Variants in CTNNA3 observed in about 807,000 individuals in gnomAD.
CTNNA3 encodes the protein catenin alpha-3.
A neutral mutation model predicts 95.7 loss-of-function variants in CTNNA3; 76 were observed. The observed-to-expected ratio is 0.79, with a 90% CI of 0.66 to 0.96. The LOEUF is 0.96. Ranked by LOEUF, CTNNA3 falls within the 40% of genes least tolerant of loss-of-function variation. The pLI is 0.00. For missense variants in CTNNA3, 1,191 were observed against 1,089.8 expected (o/e 1.09, Z -1.31); for synonymous variants, 431 against 374.4 (o/e 1.15, Z -1.74).
At chr10:67,134,546 C>T (rs1415571442) in intron 7 of CTNNA3, among the ~76,000 whole-genome samples, 1 of 152,054 alleles carries the variant, frequency 6.6e-6, no homozygotes, top group East Asian at 1.9e-4. Flanking sequence ...TGGTGGATTC[C>T]TCAATTCCTG....
rs370543109 is a variant in CTNNA3 at position 66,551,223 on chromosome 10, T to C, written c.1375-30450A>G. Among the ~76,000 whole-genome samples the C allele has an allele frequency of 3.6e-4, 55 of 152,290 alleles. 1 individual carries two copies. In the South Asian group the frequency reaches 0.011, roughly 31 times the overall value. Reference sequence around the variant, plus strand: ...ATTTTACCTCCCTTCCTGAATGATATTTTTAGTGGATATAAAATTACGGCT... The same window carrying C: ...ATTTTACCTCCCTTCCTGAATGATACTTTTAGTGGATATAAAATTACGGCT... On this transcript the variant is annotated intron_variant, in intron 10 of 17. Coordinates refer to ENST00000433211, the MANE Select transcript of CTNNA3 (RefSeq NM_013266.4).
chr10:67,308,636 A>G (rs755027111), intron 5 of CTNNA3, among the ~76,000 whole-genome samples: 9 of 152,300 alleles, frequency 5.9e-5, no homozygotes, highest in East Asian at 1.9e-4. Flanking sequence ...GTATGGAAAG[A>G]CTTCATTAAT....
At chr10:66,260,479 T>G (rs1419387711) in intron 13 of CTNNA3, among the ~76,000 whole-genome samples, 1 of 152,156 alleles carries the variant, frequency 6.6e-6, no homozygotes. Context: ...TCCGTGATTC[T>G]CACTGTGTAC....
At position 66,676,596 on chromosome 10, in the gene CTNNA3, C is replaced by G. The variant is rs142362616; in HGVS notation, c.1282-54812G>C. On this transcript the variant is annotated intron_variant, in intron 9 of 17. Coordinates refer to ENST00000433211, the MANE Select transcript of CTNNA3 (RefSeq NM_013266.4). ...ACCATTTCTCATAGCCTGCCTCTCT[C>G]TCTTTCTCCCTCTCACAACCAGCTA... is the stretch of plus-strand genomic sequence containing the variant. 2.5e-3 allele frequency among the ~76,000 whole-genome samples: 387 copies of G among 152,188 alleles called. 3 individuals are homozygous for G. Among genetic ancestry groups the G allele is most frequent in the African/African-American group, 9.0e-3 (374 of 41,554 alleles).
intron 12 of CTNNA3, among the ~76,000 whole-genome samples, chr10:66,294,075 C>A (rs547448419): frequency 1.3e-5 from 2 of 152,214 alleles, no homozygotes; most frequent in African/African-American, 4.8e-5. Context: ...ATGCTAATAG[C>A]CCAATGATTG....
At chr10:67,328,412 G>A (rs1233841532) in intron 5 of CTNNA3, among the ~76,000 whole-genome samples, 1 of 152,184 alleles carries the variant, frequency 6.6e-6, no homozygotes, top group South Asian at 2.1e-4. Context: ...AGACCACCCT[G>A]CAGAGTTCAG....
intron 3 of CTNNA3, among the ~76,000 whole-genome samples, chr10:67,547,322 A>G (rs1046218180): frequency 6.6e-6 from 1 of 152,218 alleles, no homozygotes; most frequent in Admixed American, 6.5e-5. Context: ...GAGAGTGACT[A>G]CATCAAAGGA....
intron 7 of CTNNA3, among the ~76,000 whole-genome samples, chr10:67,144,324 T>C (rs1324906452): frequency 1.3e-5 from 2 of 152,216 alleles, no homozygotes; most frequent in African/African-American, 4.8e-5. Context: ...TTAATGAGCA[T>C]TGGTTTCAAG....
chr10:67,750,615 A>G (rs1322776153), intron 1 of CTNNA3: 2 of 1,550,776 alleles, frequency 1.3e-6, no homozygotes, highest in African/African-American at 1.4e-5. Flanking sequence ...TATCTTATTC[A>G]CTAGCACAGG....
At chr10:66,284,310 G>A (rs564191754) in intron 12 of CTNNA3, among the ~76,000 whole-genome samples, 2 of 152,002 alleles carry the variant, frequency 1.3e-5, no homozygotes, top group Non-Finnish European at 2.9e-5. Flanking sequence ...GCCCTGTAAG[G>A]CAGGAACTAT....
At chr10:67,594,300 T>A (rs1398539078) in intron 3 of CTNNA3, among the ~76,000 whole-genome samples, 1 of 152,164 alleles carries the variant, frequency 6.6e-6, no homozygotes, top group Non-Finnish European at 1.5e-5. Flanking sequence ...CCTCCTCGAT[T>A]TTTTGAACAG....
At chr10:67,541,637 A>G in intron 3 of CTNNA3, among the ~76,000 whole-genome samples, 1 of 152,086 alleles carries the variant, frequency 6.6e-6, no homozygotes, top group East Asian at 1.9e-4. Flanking sequence ...TGCTTAGATG[A>G]CAGCATTCAT....
At chr10:66,849,136 G>A (rs999523436) in intron 7 of CTNNA3, among the ~76,000 whole-genome samples, 7 of 152,220 alleles carry the variant, frequency 4.6e-5, no homozygotes, top group South Asian at 2.1e-4. Flanking sequence ...AAAAGCAGAC[G>A]CATTTGTAAT....
rs895663227 is a variant in CTNNA3, at chr10:65,916,870, T to G, written c.*3460A>C. On this transcript the variant is annotated 3_prime_UTR_variant, in exon 18 of 18. Coordinates refer to ENST00000433211, the MANE Select transcript of CTNNA3 (RefSeq NM_013266.4). Reference sequence around the variant, plus strand: ...CTCAAAATGAAGGTTCAGGAAGCCGTTGAAGTCACTTACTCTGTTGTTACA... The same window carrying G: ...CTCAAAATGAAGGTTCAGGAAGCCGGTGAAGTCACTTACTCTGTTGTTACA... 2 of 152,178 alleles carry G rather than the reference T, an allele frequency of 1.3e-5. No individual in the cohort carries two copies. The highest frequency in any genetic ancestry group is 4.8e-5 in the African/African-American group (2 of 41,466). The allele number at this position is 152,178 out of a possible 1,614,324, so 9.4% of individuals were successfully genotyped here.
rs560337786 is a variant in CTNNA3 at position 67,417,614 on chromosome 10, G to A, written c.579+104228C>T. On this transcript the variant is annotated intron_variant, in intron 5 of 17. Coordinates refer to ENST00000433211, the MANE Select transcript of CTNNA3 (RefSeq NM_013266.4). ...GAAATAACTCTAAGACAAAAGATAG[G>A]GTTGTCACATGTTGTAAATATAATC... is the stretch of plus-strand genomic sequence containing the variant. Among the ~76,000 whole-genome samples, 10 of 151,668 alleles carry A rather than the reference G, an allele frequency of 6.6e-5. No individual in the cohort carries two copies. The East Asian group carries it at 1.9e-3, about 29-fold the overall frequency.
At chr10:67,135,119 G>A (rs1860227778) in intron 7 of CTNNA3, among the ~76,000 whole-genome samples, 1 of 151,994 alleles carries the variant, frequency 6.6e-6, no homozygotes, top group Non-Finnish European at 1.5e-5. Context: ...AAAAACAAAG[G>A]GAGGAAATAT....
At chr10:67,751,208 C>G (rs766516632) in intron 1 of CTNNA3, 5 of 1,284,626 alleles carry the variant, frequency 3.9e-6, no homozygotes, top group Non-Finnish European at 5.7e-6. Context: ...ATTTGGAGGA[C>G]TATCCCTTCG....
In CTNNA3 at chr10:66,019,556, T is replaced by A. The variant is rs114182315; in HGVS notation, c.2160-30759A>T. Among the ~76,000 whole-genome samples, 1,239 of 152,192 alleles carry A rather than the reference T, an allele frequency of 8.1e-3. 16 individuals are homozygous for A. Among genetic ancestry groups the A allele is most frequent in the African/African-American group, 0.028 (1,182 of 41,532 alleles). Reference sequence around the variant, plus strand: ...CTAAAGTTTTGATTTTTAAAATGATTCCAATGCTTCTGACATAAAAAAATC... The same window carrying A: ...CTAAAGTTTTGATTTTTAAAATGATACCAATGCTTCTGACATAAAAAAATC... On this transcript the variant is annotated intron_variant, in intron 15 of 17. Coordinates refer to ENST00000433211, the MANE Select transcript of CTNNA3 (RefSeq NM_013266.4).
intron 7 of CTNNA3, among the ~76,000 whole-genome samples, chr10:66,913,415 A>G (rs2132568781): frequency 6.6e-6 from 1 of 152,230 alleles, no homozygotes; most frequent in South Asian, 2.1e-4. Context: ...CTACAGTCTT[A>G]ATTCATACGG....
Sources: allele counts gnomAD v4.1 joint callset (sites outside exome capture counted in the v4.1 genomes callset), GRCh38; gene constraint gnomAD v4.1.1; transcripts MANE v1.5; gene names NCBI Gene and HGNC (gene_info 2026-07-23, HGNC 2026-07-21).